GABBR2: variants seen among roughly 807,000 people sequenced by gnomAD.
GABBR2 encodes gamma-aminobutyric acid type B receptor subunit 2.
In GABBR2, 23 loss-of-function variants were observed where a neutral mutation model predicts 105.6. That is an observed-to-expected ratio of 0.22 (90% CI 0.16 to 0.31). GABBR2 has a LOEUF of 0.31. GABBR2 is among the 10% of genes least tolerant of loss of function. The pLI is 1.00. For synonymous variants in GABBR2, 478 were observed against 499.7 expected, an observed-to-expected ratio of 0.96 and a Z score of 0.58; for missense variants, 734 against 1,245.5, an observed-to-expected ratio of 0.59 and a Z score of 6.18.
At chr9:98,647,251 A>G (rs368160374) in intron 1 of GABBR2, among the ~76,000 whole-genome samples, 27 of 152,322 alleles carry the variant, frequency 1.8e-4, no homozygotes, top group African/African-American at 6.3e-4. Flanking sequence ...GCCCATTCGT[A>G]CATTGTCAGA....
At chr9:98,612,767 C>T (rs1829523505) in intron 1 of GABBR2, among the ~76,000 whole-genome samples, 1 of 152,196 alleles carries the variant, frequency 6.6e-6, no homozygotes, top group African/African-American at 2.4e-5. Flanking sequence ...AGGCTGCAGG[C>T]TTGATGGGCT....
chr9:98,543,735 T>C (rs115785151), intron 2 of GABBR2, among the ~76,000 whole-genome samples: 2,544 of 152,354 alleles, frequency 0.017, 67 homozygotes, highest in African/African-American at 0.057. Flanking sequence ...CTAATTTGAC[T>C]AGTAGTCTTC....
chr9:98,531,598 C>G (rs907073455), intron 3 of GABBR2, among the ~76,000 whole-genome samples: 2 of 152,250 alleles, frequency 1.3e-5, no homozygotes, highest in African/African-American at 4.8e-5. Context: ...GGCGGTGGCT[C>G]TCACCTAGGT....
intron 7 of GABBR2, among the ~76,000 whole-genome samples, chr9:98,453,333 C>T (rs567792836): frequency 6.6e-6 from 1 of 152,340 alleles, no homozygotes; most frequent in Non-Finnish European, 1.5e-5. Flanking sequence ...GCCTCTATGC[C>T]CTTTCTTTCT....
intron 6 of GABBR2, among the ~76,000 whole-genome samples, chr9:98,465,320 A>G (rs1826526790): frequency 6.6e-6 from 1 of 152,084 alleles, no homozygotes; most frequent in East Asian, 1.9e-4. Flanking sequence ...GGTCAATTAG[A>G]TATCCATGTA....
chr9:98,414,900 A>G (rs1832660283), intron 7 of GABBR2, among the ~76,000 whole-genome samples: 1 of 152,268 alleles, frequency 6.6e-6, no homozygotes, highest in African/African-American at 2.4e-5. Context: ...TGGGGACATG[A>G]GACAGAGGAG....
chr9:98,299,483 G>A, intron 16 of GABBR2, 130 bp from the exon 17 acceptor site: 1 of 936,966 alleles, frequency 1.1e-6, no homozygotes. Flanking sequence ...AATCAGAGGG[G>A]TTACTGCATT....
At chr9:98,467,030 A>T (rs1826573131) in intron 6 of GABBR2, among the ~76,000 whole-genome samples, 1 of 152,218 alleles carries the variant, frequency 6.6e-6, no homozygotes, top group African/African-American at 2.4e-5. Context: ...TGAAAAAGAA[A>T]GGCCATATCC....
chr9:98,367,553 T>C (rs1718552508), intron 12 of GABBR2, among the ~76,000 whole-genome samples: 1 of 152,086 alleles, frequency 6.6e-6, no homozygotes, highest in Non-Finnish European at 1.5e-5. Flanking sequence ...TGGATGGTGA[T>C]GATGGTTGCA....
At position 98,303,268 on chromosome 9, in the gene GABBR2, G is replaced by A. The variant is rs778238324; in HGVS notation, c.2385C>T (p.Asn795=). ...TSRLEGLQSE[N]HRLRMKITEL... ...CTGTGATCTTCATTCGCAGGCGATGGTTTTCTGACTGTAGGCCCTCCAGGC... is the reference window on the plus strand; with the variant it reads ...CTGTGATCTTCATTCGCAGGCGATGATTTTCTGACTGTAGGCCCTCCAGGC... Residue 795 remains asparagine (N), a synonymous_variant, in exon 16 of 19, where the codon AAC becomes AAT. Transcript: ENST00000259455. 2 of 1,614,194 alleles carry A rather than the reference G, an allele frequency of 1.2e-6. No individual in the cohort carries two copies. The highest frequency in any genetic ancestry group is 1.7e-6 in the Non-Finnish European group (2 of 1,180,020).
intron 2 of GABBR2, among the ~76,000 whole-genome samples, chr9:98,560,992 C>G (rs1365456048): frequency 2.0e-5 from 3 of 151,860 alleles, no homozygotes; most frequent in Non-Finnish European, 4.4e-5. Flanking sequence ...TCAGTATCAT[C>G]TAATGCGTAG....
chr9:98,307,002 A>C (rs1830562022), intron 14 of GABBR2, among the ~76,000 whole-genome samples: 1 of 152,154 alleles, frequency 6.6e-6, no homozygotes, highest in Non-Finnish European at 1.5e-5. Context: ...GCTGGAGTGG[A>C]ATGTGATGGG....
chr9:98,515,836 A>G (rs1367322881), intron 3 of GABBR2, among the ~76,000 whole-genome samples: 2 of 152,222 alleles, frequency 1.3e-5, no homozygotes, highest in African/African-American at 4.8e-5. Flanking sequence ...CATTTCACAA[A>G]TGAGGGACTT....
In GABBR2 at chr9:98,388,835, G is replaced by T; in HGVS notation, c.1529+19C>A. The T allele has an allele frequency of 6.2e-7, 1 of 1,603,026 alleles. No individual in the cohort carries two copies. The highest frequency in any genetic ancestry group is 8.5e-7 in the Non-Finnish European group (1 of 1,171,806). On this transcript the variant is annotated intron_variant, in intron 10 of 18. Transcript: ENST00000259455. The surrounding 1 kb of genome is among the most constrained non-coding windows in gnomAD (Gnocchi z 4.4). ...CAATTTAGAAAGTGATATCACAGAG[G>T]AGGACCAGGGTGGCTTACTTCTGAT...
At chr9:98,501,601 A>G (rs564400652) in intron 3 of GABBR2, among the ~76,000 whole-genome samples, 352 of 152,264 alleles carry the variant, frequency 2.3e-3, no homozygotes, top group African/African-American at 8.1e-3. Context: ...AGTGGTTCAC[A>G]CTCAGAGGAC....
chr9:98,344,021 C>T (rs752632581), intron 13 of GABBR2, among the ~76,000 whole-genome samples: 3 of 152,124 alleles, frequency 2.0e-5, no homozygotes, highest in Non-Finnish European at 2.9e-5. Flanking sequence ...ATTTGGTTTC[C>T]AAGACACCAA....
intron 17 of GABBR2, among the ~76,000 whole-genome samples, chr9:98,294,605 C>A (rs1202184556): frequency 6.6e-6 from 1 of 151,924 alleles, no homozygotes. Flanking sequence ...CAGCTCCAAG[C>A]AGCTAGGACT....
intron 1 of GABBR2, among the ~76,000 whole-genome samples, chr9:98,662,906 C>T (rs1218678805): frequency 6.6e-6 from 1 of 152,166 alleles, no homozygotes; most frequent in Admixed American, 6.5e-5. Context: ...GTAACACACA[C>T]CAGAGCTGTG....
At chr9:98,465,659 G>A (rs569418130) in intron 6 of GABBR2, among the ~76,000 whole-genome samples, 1 of 152,160 alleles carries the variant, frequency 6.6e-6, no homozygotes, top group South Asian at 2.1e-4. Flanking sequence ...GGAAGACAGA[G>A]AACATCAAAA....
Sources: gnomAD v4.1 joint callset for allele counts (sites outside exome capture counted in the v4.1 genomes callset) on GRCh38, gnomAD v4.1.1 for gene constraint, Gnocchi (gnomAD v3.1) non-coding constraint, MANE v1.5 for transcripts, NCBI Gene and HGNC (gene_info 2026-07-23, HGNC 2026-07-21) for gene names.